The following EXTL3 variants were observed in gnomAD, a reference collection of about 807,000 sequenced individuals.
EXTL3 encodes the protein exostosin like glycosyltransferase 3, also known as exostosin-like 3.
A neutral mutation model predicts 69.3 loss-of-function variants in EXTL3; 27 were observed. The ratio of observed to expected loss-of-function variants is 0.39; its 90% CI spans 0.29 to 0.54. The LOEUF is 0.54. Ranked by LOEUF, EXTL3 falls within the 20% of genes least tolerant of loss-of-function variation. The probability of loss-of-function intolerance (pLI) is 0.69; values close to 1 mark genes in which losing one functional copy is unlikely to be tolerated. For missense variants in EXTL3, 1,003 were observed against 1,231.8 expected, an observed-to-expected ratio of 0.81 and a Z score of 2.78; for synonymous variants, 511 against 499.4, an observed-to-expected ratio of 1.02 and a Z score of -0.31.
chr8:28,707,127 T>C (rs1006273367), intron 1 of EXTL3, among the ~76,000 whole-genome samples: 3 of 152,262 alleles, frequency 2.0e-5, no homozygotes, highest in Non-Finnish European at 4.4e-5. Flanking sequence ...TGAGGTGTTC[T>C]TTAAAAAGAT....
At chr8:28,684,334 GT>G (rs1445710274) in intron 1 of EXTL3, among the ~76,000 whole-genome samples, 1 of 152,082 alleles carries the variant, frequency 6.6e-6, no homozygotes, top group Non-Finnish European at 1.5e-5. Flanking sequence ...TCTATTTTTA[GT>G]TTTTTGAGGA....
chr8:28,664,243 T>A (rs1392575485), intron 1 of EXTL3, among the ~76,000 whole-genome samples: 1 of 152,216 alleles, frequency 6.6e-6, no homozygotes, highest in Non-Finnish European at 1.5e-5. Flanking sequence ...AAGTCTGGGA[T>A]CAGGGTGCCA....
Position 28,750,583 on chromosome 8 carries a change from G to A in EXTL3, c.2551-74G>A. On this transcript the variant is annotated intron_variant, in intron 6 of 6. Coordinates refer to ENST00000220562, the MANE Select transcript of EXTL3 (RefSeq NM_001440.4). This position sits in a 1 kb window ranked among gnomAD's most constrained non-coding sequence, Gnocchi z 5.2. ...GTCTTCACCATGGACATGGGAGTGTGGGATCGGCTCAGCTGCAAGGGTTCT... is the reference window on the plus strand; with the variant it reads ...GTCTTCACCATGGACATGGGAGTGTAGGATCGGCTCAGCTGCAAGGGTTCT... 1 of 1,208,694 alleles carries A rather than the reference G, an allele frequency of 8.3e-7. No homozygotes were observed. The highest frequency in any genetic ancestry group is 1.2e-6 in the Non-Finnish European group (1 of 816,766). The allele number at this position is 1,208,694 out of a possible 1,614,324, so 74.9% of individuals were successfully genotyped here.
intron 1 of EXTL3, among the ~76,000 whole-genome samples, chr8:28,644,160 C>CT (rs969193909): frequency 1.3e-4 from 19 of 151,520 alleles, no homozygotes; most frequent in East Asian, 7.7e-4. Context: ...ACTTATGAGC[C>CT]TTTTTTTTGC....
chr8:28,692,352 T>C (rs1279768731), intron 1 of EXTL3, among the ~76,000 whole-genome samples: 1 of 152,176 alleles, frequency 6.6e-6, no homozygotes, highest in African/African-American at 2.4e-5. Flanking sequence ...TCAATTATTA[T>C]TGTGTTCTGG....
chr8:28,644,942 C>T (rs1253665404), intron 1 of EXTL3, among the ~76,000 whole-genome samples: 2 of 152,176 alleles, frequency 1.3e-5, no homozygotes, highest in African/African-American at 4.8e-5. Flanking sequence ...GTATACGCCT[C>T]TGGTGATGGA....
chr8:28,610,215 A>ATGTGTG (rs367793242), intron 2 of EXTL3, among the ~76,000 whole-genome samples: 209 of 149,358 alleles, frequency 1.4e-3, no homozygotes, highest in South Asian at 2.6e-3. Flanking sequence ...AAATATGTAT[A>ATGTGTG]TGTGTGTGTG....
chr8:28,743,012 A>C (rs1801812098), intron 5 of EXTL3, 74 bp from the exon 6 acceptor site: 1 of 1,558,292 alleles, frequency 6.4e-7, no homozygotes, highest in Non-Finnish European at 8.8e-7. Context: ...CCCTCCATCC[A>C]TGCATATTTT....
At chr8:28,679,812 C>T (rs895375208) in intron 1 of EXTL3, among the ~76,000 whole-genome samples, 4 of 151,790 alleles carry the variant, frequency 2.6e-5, no homozygotes, top group Non-Finnish European at 4.4e-5. Context: ...AATGCCATGC[C>T]AGGAAAATAA....
Position 28,750,326 on chromosome 8 carries a change from GA to G in EXTL3, c.2551-328del, listed in dbSNP as rs1232961344. On this transcript the variant is annotated intron_variant, in intron 6 of 6. Transcript: ENST00000220562. This position sits in a 1 kb window ranked among gnomAD's most constrained non-coding sequence, Gnocchi z 5.2. ...CAATATTTTGATTCAAAACATTGAT[GA>G]AACAAACAACTCGGTACCTACCTAT... is the stretch of plus-strand genomic sequence containing the variant. Among the ~76,000 whole-genome samples the G allele has an allele frequency of 6.6e-6, 1 of 152,038 alleles. No individual in the cohort carries two copies. The highest frequency in any genetic ancestry group is 1.5e-5 in the Non-Finnish European group (1 of 67,962).
At chr8:28,743,025 C>T (rs1801812214) in intron 5 of EXTL3, 61 bp from the exon 6 acceptor site, 3 of 1,606,978 alleles carry the variant, frequency 1.9e-6, no homozygotes, top group Middle Eastern at 1.6e-4. Flanking sequence ...CATATTTTGG[C>T]TGAAAGCCAA....
At chr8:28,733,733 C>T (rs182514422) in intron 4 of EXTL3, among the ~76,000 whole-genome samples, 11 of 151,180 alleles carry the variant, frequency 7.3e-5, no homozygotes, top group Admixed American at 3.3e-4. Flanking sequence ...TCTTTTCATG[C>T]GCTTATTGAT....
chr8:28,611,330 G>A (rs1806268711), intron 2 of EXTL3, among the ~76,000 whole-genome samples: 1 of 152,074 alleles, frequency 6.6e-6, no homozygotes, highest in Non-Finnish European at 1.5e-5. Flanking sequence ...GTGCACGCCT[G>A]TAGTCCCAGC....
intron 5 of EXTL3, chr8:28,742,204 A>G (rs2130791564): frequency 6.6e-6 from 1 of 152,344 alleles, no homozygotes; most frequent in South Asian, 2.1e-4. Flanking sequence ...TAATGAGTTT[A>G]AGGTGTTTAT....
At chr8:28,645,729 A>G (rs989740228) in intron 1 of EXTL3, among the ~76,000 whole-genome samples, 9 of 150,348 alleles carry the variant, frequency 6.0e-5, no homozygotes, top group African/African-American at 2.0e-4. Flanking sequence ...GGGTCTTGCT[A>G]TGTTTCCCAG....
intron 4 of EXTL3, among the ~76,000 whole-genome samples, chr8:28,733,532 C>T (rs138756075): frequency 3.3e-5 from 5 of 151,300 alleles, no homozygotes; most frequent in Non-Finnish European, 7.4e-5. Flanking sequence ...ACTACAGGCT[C>T]ACATTACCAC....
intron 6 of EXTL3, among the ~76,000 whole-genome samples, chr8:28,749,946 G>C (rs944840734): frequency 1.3e-5 from 2 of 152,092 alleles, no homozygotes; most frequent in Non-Finnish European, 2.9e-5. Flanking sequence ...TTCCTGCCTT[G>C]GCCTCCCAAA....
chr8:28,636,904 C>G (rs1806665024), intron 1 of EXTL3, among the ~76,000 whole-genome samples: 1 of 151,808 alleles, frequency 6.6e-6, no homozygotes, highest in Non-Finnish European at 1.5e-5. Flanking sequence ...CCGGCTTGAA[C>G]CCAGGAGGCA....
At chr8:28,656,634 G>C (rs1049763402) in intron 1 of EXTL3, among the ~76,000 whole-genome samples, 1 of 152,122 alleles carries the variant, frequency 6.6e-6, no homozygotes, top group Non-Finnish European at 1.5e-5. Flanking sequence ...CCTTGCACAC[G>C]TCAAGGTCTA....
Sources: allele counts gnomAD v4.1 joint callset (sites outside exome capture counted in the v4.1 genomes callset), GRCh38; gene constraint gnomAD v4.1.1; non-coding constraint Gnocchi (gnomAD v3.1); transcripts MANE v1.5; gene names NCBI Gene and HGNC (gene_info 2026-07-23, HGNC 2026-07-21).